Variants in CCDC57 observed in about 807,000 individuals in gnomAD.
The protein encoded by CCDC57 is coiled-coil domain-containing protein 57.
In CCDC57, 118 loss-of-function variants were observed where a neutral mutation model predicts 118.9. The ratio of observed to expected loss-of-function variants is 0.99; its 90% CI spans 0.86 to 1.16. CCDC57 has a LOEUF of 1.16. Ranked by LOEUF, CCDC57 falls within the 50% of genes most tolerant of loss-of-function variation. CCDC57 has a pLI of 0.00. For missense variants in CCDC57, 1,300 were observed against 1,320.7 expected (o/e 0.98, Z 0.24); for synonymous variants, 527 against 532.9 (o/e 0.99, Z 0.15).
intron 17 of CCDC57, 31 bp from the exon 17 acceptor site, chr17:82,128,628 G>A (rs1319275738): frequency 6.6e-7 from 1 of 1,503,912 alleles, no homozygotes; most frequent in Non-Finnish European, 9.1e-7. Flanking sequence ...AGAGGACTCT[G>A]GTATTCACAT....
At chr17:82,167,016 C>T (rs1290688357) in intron 13 of CCDC57, among the ~76,000 whole-genome samples, 1 of 152,016 alleles carries the variant, frequency 6.6e-6, no homozygotes, top group African/African-American at 2.4e-5. Flanking sequence ...ATGGGCTCCA[C>T]AGCAAAATGG....
intron 4 of CCDC57, 69 bp from the exon 4 acceptor site, chr17:82,195,433 G>A (rs2048182558): frequency 8.1e-7 from 1 of 1,234,242 alleles, no homozygotes. Context: ...CACGTCCTGG[G>A]AGGTGGGATC....
At position 82,208,543 on chromosome 17, in the gene CCDC57, C is replaced by T. The variant is rs536483389; in HGVS notation, c.-210-495G>A. Among the ~76,000 whole-genome samples the T allele has an allele frequency of 2.0e-5, 3 of 152,292 alleles. No homozygotes were observed. In the South Asian group the frequency reaches 6.2e-4, roughly 32 times the overall value. On this transcript the variant is annotated intron_variant, in intron 1 of 19. Transcript: ENST00000665763. ...GTGCTGGGATTACAGGCGTGAGCCA[C>T]CGTGCCTGGCCTAATACCCTTAACT...
intron 14 of CCDC57, among the ~76,000 whole-genome samples, chr17:82,158,197 G>C (rs1465568856): frequency 2.0e-5 from 3 of 152,214 alleles, no homozygotes; most frequent in African/African-American, 7.2e-5. Flanking sequence ...GGCTGGTGGG[G>C]AGAATCCGTG....
intron 17 of CCDC57, among the ~76,000 whole-genome samples, chr17:82,129,065 C>T (rs1328362770): frequency 2.0e-5 from 3 of 152,126 alleles, no homozygotes; most frequent in African/African-American, 4.8e-5. Context: ...ATGACAGGCA[C>T]CCACCACCAT....
At chr17:82,197,146 C>T (rs2048412059) in intron 4 of CCDC57, among the ~76,000 whole-genome samples, 1 of 150,232 alleles carries the variant, frequency 6.7e-6, no homozygotes, top group Admixed American at 6.6e-5. Context: ...AGACACAGCC[C>T]CTCGTGACTC....
In CCDC57 at chr17:82,171,689, A is replaced by ACG. The variant is rs781626695; in HGVS notation, c.1882+10_1882+11dup. 2.2e-5 allele frequency: 36 copies of ACG among 1,607,510 alleles called. No homozygotes were observed. The Admixed American group carries it at 3.3e-4, about 15-fold the overall frequency. ...AGGGGACAGCAAGTACCCCACTGAG[A>ACG]CGCGGACTTACCAGTCGTCTCTGTC... On this transcript the variant is annotated intron_variant, in intron 13 of 19. Transcript: ENST00000665763.
intron 7 of CCDC57, among the ~76,000 whole-genome samples, chr17:82,190,869 G>A (rs1434302880): frequency 2.0e-5 from 3 of 151,276 alleles, no homozygotes; most frequent in African/African-American, 4.9e-5. Flanking sequence ...TACACATGGC[G>A]CTCTTTGGAA....
At chr17:82,205,000 G>C (rs923137610) in intron 2 of CCDC57, among the ~76,000 whole-genome samples, 1 of 152,184 alleles carries the variant, frequency 6.6e-6, no homozygotes, top group African/African-American at 2.4e-5. Context: ...TCCATCTCAC[G>C]TTGGCACAAC....
chr17:82,107,928 G>A (rs990351738), intron 19 of CCDC57, among the ~76,000 whole-genome samples: 2 of 152,166 alleles, frequency 1.3e-5, no homozygotes, highest in Non-Finnish European at 2.9e-5. Context: ...GTCACGGCAC[G>A]GACGAGGGGG....
chr17:82,198,410 A>G, exon 4 of CCDC57: 1 of 1,605,404 alleles, frequency 6.2e-7, no homozygotes, highest in Non-Finnish European at 8.5e-7. Context: ...GGTCAATCTC[A>G]CCATTCTTGT....
At chr17:82,127,008 C>T in intron 19 of CCDC57, 1 of 985,370 alleles carries the variant, frequency 1.0e-6, no homozygotes, top group South Asian at 4.7e-5. Context: ...GTTTCCCTCC[C>T]CCCTTCTCGC....
chr17:82,195,597 A>C (rs2048206439), intron 4 of CCDC57, among the ~76,000 whole-genome samples: 1 of 152,030 alleles, frequency 6.6e-6, no homozygotes, highest in Non-Finnish European at 1.5e-5. Context: ...TGGGCAACAC[A>C]GTGAGGCCCT....
chr17:82,151,347 A>G (rs1324590570), intron 16 of CCDC57, among the ~76,000 whole-genome samples: 2 of 150,272 alleles, frequency 1.3e-5, no homozygotes, highest in African/African-American at 4.9e-5. Flanking sequence ...CCAGGTGCAC[A>G]CCCAGAACCT....
chr17:82,148,131 AT>A, intron 16 of CCDC57, among the ~76,000 whole-genome samples: 1 of 29,450 alleles, frequency 3.4e-5, no homozygotes. Flanking sequence ...GGTTAGATGG[AT>A]GGATGGATGG....
At position 82,172,552 on chromosome 17, in the gene CCDC57, C is replaced by A. The variant is rs1463231921; in HGVS notation, c.1729+86G>T. 3.5e-6 allele frequency: 4 copies of A among 1,156,324 alleles called. No individual in the cohort carries two copies. Among genetic ancestry groups the A allele is most frequent in the Non-Finnish European group, 5.0e-6 (4 of 793,766 alleles). 71.6% of individuals were successfully genotyped at this position (1,156,324 alleles called of 1,614,324 possible). A position where few individuals can be genotyped will look rare whatever the true frequency, so the allele number is the denominator to read the frequency against. ...ACTCTGAAATGAAGCCTCCTTGAAG[C>A]CAGTCAAGACCCATGCTCCCGTCTG... On this transcript the variant is annotated intron_variant, in intron 12 of 19. Coordinates refer to ENST00000665763, the Ensembl canonical transcript of CCDC57. This position sits in a 1 kb window ranked among gnomAD's most constrained non-coding sequence, Gnocchi z 5.2.
At position 82,134,157 on chromosome 17, in the gene CCDC57, CT is replaced by C; in HGVS notation, c.2492del (p.Glu831GlyfsTer72). On this transcript the variant is annotated frameshift_variant, in exon 17 of 20. Coordinates refer to ENST00000665763, the Ensembl canonical transcript of CCDC57. LOFTEE classifies it high-confidence loss of function. The stretch of plus-strand genomic sequence containing the variant: ...TGGGCTCCTCGCCTGGCTTCCGGGC[CT>C]CAGGGGCAGGAGGGAGGGCGTGGTG... 1 of 1,366,246 alleles carries C rather than the reference CT, an allele frequency of 7.3e-7. No individual in the cohort carries two copies. The highest frequency in any genetic ancestry group is 9.5e-7 in the Non-Finnish European group (1 of 1,054,958). 84.6% of individuals were successfully genotyped at this position (1,366,246 alleles called of 1,614,324 possible).
At chr17:82,101,711 T>G (rs752061899) in exon 20 of CCDC57, 1 of 1,607,666 alleles carries the variant, frequency 6.2e-7, no homozygotes, top group Admixed American at 1.7e-5. Flanking sequence ...TTACGGATCT[T>G]GGGGGGCCTC....
chr17:82,156,147 T>C (rs979243962), intron 15 of CCDC57: 1 of 151,722 alleles, frequency 6.6e-6, no homozygotes, highest in Admixed American at 6.6e-5. Context: ...AACACAAAAA[T>C]TGGCCGGGCG....
Sources: gnomAD v4.1 joint callset for allele counts (sites outside exome capture counted in the v4.1 genomes callset) on GRCh38, gnomAD v4.1.1 for gene constraint, Gnocchi (gnomAD v3.1) non-coding constraint, MANE v1.5 for transcripts, NCBI Gene and HGNC (gene_info 2026-07-23, HGNC 2026-07-21) for gene names.